Variants in CLSTN1 observed in about 807,000 individuals in gnomAD.
The protein encoded by CLSTN1 is calsyntenin 1.
CLSTN1 carries 28 observed loss-of-function variants against 108.3 expected under a neutral mutation model. The observed-to-expected ratio is 0.26, with a 90% CI of 0.19 to 0.35. The LOEUF (loss-of-function observed/expected upper bound fraction) is 0.35, where lower values mean the gene tolerates loss of function less well. Among genes scored for constraint, CLSTN1 ranks in the 10% least tolerant of loss-of-function variants. CLSTN1 has a pLI of 1.00. For synonymous variants in CLSTN1, 524 were observed against 534.9 expected (o/e 0.98, Z 0.28); for missense variants, 1,157 against 1,302.6 (o/e 0.89, Z 1.72).
intron 2 of CLSTN1, among the ~76,000 whole-genome samples, chr1:9,769,194 G>T (rs1042483010): frequency 6.6e-6 from 1 of 151,628 alleles, no homozygotes; most frequent in African/African-American, 2.4e-5. Flanking sequence ...GGAGGGATAC[G>T]GCTGCAGGTC....
chr1:9,782,930 C>T (rs1653315633), intron 1 of CLSTN1, among the ~76,000 whole-genome samples: 1 of 152,224 alleles, frequency 6.6e-6, no homozygotes, highest in Non-Finnish European at 1.5e-5. Context: ...TAGCTGGAAC[C>T]TGGGAGGCGG....
chr1:9,766,411 C>A (rs1652334808), intron 2 of CLSTN1, among the ~76,000 whole-genome samples: 1 of 152,198 alleles, frequency 6.6e-6, no homozygotes, highest in Non-Finnish European at 1.5e-5. Context: ...GTAATCCCAG[C>A]ACTTTAGGAG....
chr1:9,805,271 A>G (rs1453003100), intron 1 of CLSTN1, among the ~76,000 whole-genome samples: 1 of 152,204 alleles, frequency 6.6e-6, no homozygotes, highest in Non-Finnish European at 1.5e-5. Flanking sequence ...TTAGAAGCAA[A>G]TTACTGGTGA....
intron 2 of CLSTN1, among the ~76,000 whole-genome samples, chr1:9,761,119 G>T (rs1360119660): frequency 1.3e-5 from 2 of 152,016 alleles, no homozygotes; most frequent in South Asian, 2.1e-4. Flanking sequence ...CTAGGAATGG[G>T]CCAAATCCTT....
intron 3 of CLSTN1, 89 bp downstream of exon 3, chr1:9,756,392 T>C (rs1651805936): frequency 4.0e-6 from 4 of 997,600 alleles, no homozygotes; most frequent in Admixed American, 2.0e-5. Context: ...AGCATGACAG[T>C]TTCTCCTGTT....
At chr1:9,747,641 C>G (rs1651342935) in intron 7 of CLSTN1, among the ~76,000 whole-genome samples, 1 of 151,980 alleles carries the variant, frequency 6.6e-6, no homozygotes, top group Admixed American at 6.6e-5. Flanking sequence ...GGAGTATAGG[C>G]ACCTCGCACC....
chr1:9,752,845 G>C (rs572582169), intron 4 of CLSTN1, among the ~76,000 whole-genome samples: 21 of 152,280 alleles, frequency 1.4e-4, no homozygotes, highest in African/African-American at 4.3e-4. Flanking sequence ...CTGGGTGACA[G>C]AGCGAGACTC....
intron 1 of CLSTN1, among the ~76,000 whole-genome samples, chr1:9,779,037 AAGAAG>A (rs1181119939): frequency 1.1e-3 from 164 of 144,750 alleles, no homozygotes; most frequent in African/African-American, 4.0e-3. Flanking sequence ...AAAAAAAAAA[AAGAAG>A]AAGAAGAAGA....
chr1:9,799,206 T>A (rs1473421304), intron 1 of CLSTN1, among the ~76,000 whole-genome samples: 1 of 151,350 alleles, frequency 6.6e-6, no homozygotes, highest in East Asian at 2.0e-4. Flanking sequence ...ACATAAATTT[T>A]AAAAATTGGA....
At chr1:9,801,365 A>G (rs772050411) in intron 1 of CLSTN1, among the ~76,000 whole-genome samples, 2 of 152,350 alleles carry the variant, frequency 1.3e-5, no homozygotes, top group Non-Finnish European at 2.9e-5. Flanking sequence ...AGAAAAAGCA[A>G]ACAATCTAAA....
chr1:9,762,183 C>T (rs567535467), intron 2 of CLSTN1, among the ~76,000 whole-genome samples: 35 of 152,236 alleles, frequency 2.3e-4, no homozygotes, highest in Middle Eastern at 3.4e-3. Context: ...GAAAATGGGC[C>T]GGGTGTGGTG....
At chr1:9,748,765 A>C (rs1324000243) in intron 7 of CLSTN1, among the ~76,000 whole-genome samples, 1 of 152,050 alleles carries the variant, frequency 6.6e-6, no homozygotes, top group African/African-American at 2.4e-5. Context: ...GTAAGATTAT[A>C]GGCATGAGCC....
At chr1:9,758,144 C>A (rs993140845) in intron 2 of CLSTN1, among the ~76,000 whole-genome samples, 2 of 152,046 alleles carry the variant, frequency 1.3e-5, no homozygotes, top group Non-Finnish European at 2.9e-5. Context: ...CAGGCATGCA[C>A]CACCATGCCT....
intron 1 of CLSTN1, among the ~76,000 whole-genome samples, chr1:9,805,865 T>TC (rs1484486248): frequency 1.2e-3 from 109 of 88,314 alleles, no homozygotes; most frequent in Non-Finnish European, 1.7e-3. Context: ...AGACTCTGTC[T>TC]CAAAAAAAAA....
At chr1:9,752,644 C>G (rs1328018715) in intron 4 of CLSTN1, among the ~76,000 whole-genome samples, 5 of 152,090 alleles carry the variant, frequency 3.3e-5, no homozygotes, top group African/African-American at 1.2e-4. Flanking sequence ...AGGAGGGTCA[C>G]CAGAGGTCAG....
intron 1 of CLSTN1, among the ~76,000 whole-genome samples, chr1:9,798,764 G>A (rs1654124915): frequency 6.6e-6 from 1 of 152,134 alleles, no homozygotes; most frequent in African/African-American, 2.4e-5. Flanking sequence ...CAGCATGTTA[G>A]GAGATTAGAA....
chr1:9,750,079 C>T, intron 5 of CLSTN1, 166 bp from the exon 6 acceptor site: 1 of 592,710 alleles, frequency 1.7e-6, no homozygotes, highest in Non-Finnish European at 3.0e-6. Flanking sequence ...TCCCTGAGCC[C>T]TAACACGCAC....
At chr1:9,754,451 C>A (rs187091087) in intron 4 of CLSTN1, among the ~76,000 whole-genome samples, 175 of 151,848 alleles carry the variant, frequency 1.2e-3, no homozygotes, top group African/African-American at 4.1e-3. Context: ...CCCAGCTACT[C>A]GGGAGGCTGA....
rs200832416 is a variant in CLSTN1 at position 9,753,210 on chromosome 1, C to T, written c.441-1529G>A. Among the ~76,000 whole-genome samples the T allele has an allele frequency of 4.4e-3, 663 of 152,288 alleles. 12 individuals carry two copies. Among genetic ancestry groups the T allele is most frequent in the East Asian group, 0.042 (219 of 5,182 alleles). On this transcript the variant is annotated intron_variant, in intron 4 of 18. Coordinates refer to ENST00000377298, the MANE Select transcript of CLSTN1 (RefSeq NM_001009566.3). The stretch of plus-strand genomic sequence containing the variant: ...GGCATGCTCAGTTCACAACAGGGTT[C>T]GCGCTCCTGTGAGAATCTGATACCG...
Sources: allele counts gnomAD v4.1 joint callset (sites outside exome capture counted in the v4.1 genomes callset), GRCh38; gene constraint gnomAD v4.1.1; transcripts MANE v1.5; gene names NCBI Gene and HGNC (gene_info 2026-07-23, HGNC 2026-07-21).